Variants in GLI3 observed in about 807,000 individuals in gnomAD.
GLI3 encodes the protein GLI family zinc finger 3.
GLI3 carries 20 observed loss-of-function variants against 100.8 expected under a neutral mutation model. That is an observed-to-expected ratio of 0.20 (90% CI 0.14 to 0.29). The LOEUF (loss-of-function observed/expected upper bound fraction) is 0.29. GLI3 is among the 10% of genes least tolerant of loss of function. The pLI is 1.00. For missense variants in GLI3, 2,040 were observed against 2,128.5 expected, an observed-to-expected ratio of 0.96 and a Z score of 0.82; for synonymous variants, 938 against 860.5, an observed-to-expected ratio of 1.09 and a Z score of -1.58.
upstream of GLI3, among the ~76,000 whole-genome samples, chr7:42,240,744 G>T (rs1431998684): frequency 6.6e-6 from 1 of 152,154 alleles, no homozygotes; most frequent in East Asian, 1.9e-4. Flanking sequence ...GAGGTTCCTA[G>T]GGTTAGAACT....
At chr7:42,251,419 G>T (rs907864366) in intron 1 of GLI3, among the ~76,000 whole-genome samples, 2 of 152,232 alleles carry the variant, frequency 1.3e-5, no homozygotes, top group East Asian at 1.9e-4. Context: ...CTTAGGCGGC[G>T]ATGCTCTAAT....
chr7:42,165,248 T>C (rs1787218224), intron 2 of GLI3, among the ~76,000 whole-genome samples: 2 of 151,738 alleles, frequency 1.3e-5, no homozygotes, highest in Middle Eastern at 6.9e-3. Context: ...ATAGCAGATC[T>C]GTTACAAATC....
upstream of GLI3, among the ~76,000 whole-genome samples, chr7:42,238,762 G>A (rs534596049): frequency 6.6e-4 from 101 of 152,264 alleles, no homozygotes; most frequent in African/African-American, 2.1e-3. Flanking sequence ...AGTTCTCGGG[G>A]GGAAACACAG....
intron 5 of GLI3, among the ~76,000 whole-genome samples, chr7:42,047,635 G>GAC (rs1259075314): frequency 4.6e-5 from 7 of 152,188 alleles, no homozygotes; most frequent in African/African-American, 1.7e-4. Context: ...TTTATAAGTT[G>GAC]ACACCAGGAG....
chr7:42,171,796 T>C (rs998184556), intron 2 of GLI3, among the ~76,000 whole-genome samples: 1 of 152,172 alleles, frequency 6.6e-6, no homozygotes, highest in South Asian at 2.1e-4. Flanking sequence ...TTATAATCCA[T>C]AGTGGAGGTT....
intron 13 of GLI3, 66 bp from the exon 14 acceptor site, chr7:41,967,989 TGA>T: frequency 8.7e-7 from 1 of 1,153,360 alleles, no homozygotes; most frequent in Non-Finnish European, 1.3e-6. Context: ...GAGCCAATAA[TGA>T]GAGCTCATGC....
chr7:42,056,336 A>G (rs939615640), intron 4 of GLI3, among the ~76,000 whole-genome samples: 5 of 152,216 alleles, frequency 3.3e-5, no homozygotes, highest in African/African-American at 7.2e-5. Context: ...GCAAAAGGCT[A>G]CACTCAAAAG....
intron 1 of GLI3, among the ~76,000 whole-genome samples, chr7:42,227,041 A>G (rs1365032104): frequency 6.6e-6 from 1 of 152,218 alleles, no homozygotes; most frequent in Non-Finnish European, 1.5e-5. Flanking sequence ...AAAATAATGA[A>G]GTATAATTTA....
At chr7:42,039,889 T>C in intron 7 of GLI3, 149 bp downstream of exon 7, 1 of 684,242 alleles carries the variant, frequency 1.5e-6, no homozygotes, top group Non-Finnish European at 2.6e-6. Context: ...TTCATTGTGA[T>C]ATTTGACCTG....
intron 1 of GLI3, among the ~76,000 whole-genome samples, chr7:42,232,491 C>CG (rs1375881396): frequency 6.6e-6 from 1 of 151,724 alleles, no homozygotes; most frequent in Non-Finnish European, 1.5e-5. Context: ...TGGCTGGGCC[C>CG]GGGCAGACAA....
At chr7:41,970,068 C>G (rs1787326247) in intron 13 of GLI3, among the ~76,000 whole-genome samples, 1 of 151,792 alleles carries the variant, frequency 6.6e-6, no homozygotes, top group Admixed American at 6.6e-5. Flanking sequence ...CACAAAACCA[C>G]AAAAACTAAA....
intron 3 of GLI3, among the ~76,000 whole-genome samples, chr7:42,115,429 G>A (rs772123910): frequency 2.2e-4 from 34 of 152,056 alleles, no homozygotes; most frequent in Non-Finnish European, 4.0e-4. Context: ...TGTACCCACC[G>A]TGCCCAGCCC....
At position 42,263,553 on chromosome 7, in the gene GLI3, TCTC is replaced by T. The variant is rs539289298; in HGVS notation, c.-43+438_-43+440del. On this transcript the variant is annotated intron_variant, in intron 1 of 2. Coordinates refer to the GLI3 transcript ENST00000678978. The stretch of plus-strand genomic sequence containing the variant: ...CCTCCTCCTCACATGTTCAAGCAAT[TCTC>T]CTGCCCCAGCCTCTGGAGTAGCTAG... 3.9e-5 allele frequency among the ~76,000 whole-genome samples: 6 copies of T among 152,210 alleles called. No homozygotes were observed. In the South Asian group the frequency reaches 1.0e-3, roughly 26 times the overall value.
At chr7:42,179,509 G>C (rs1196785353) in intron 2 of GLI3, among the ~76,000 whole-genome samples, 1 of 152,186 alleles carries the variant, frequency 6.6e-6, no homozygotes, top group Non-Finnish European at 1.5e-5. Flanking sequence ...AAGGCTCACT[G>C]TGTTGACAAC....
intron 4 of GLI3, among the ~76,000 whole-genome samples, chr7:42,065,012 C>G (rs549978510): frequency 2.0e-5 from 3 of 152,046 alleles, no homozygotes; most frequent in South Asian, 4.1e-4. Flanking sequence ...ACCAATGAAA[C>G]CAGGCCCTGA....
At chr7:41,976,203 T>G (rs1787509590) in intron 12 of GLI3, among the ~76,000 whole-genome samples, 1 of 152,202 alleles carries the variant, frequency 6.6e-6, no homozygotes, top group South Asian at 2.1e-4. Context: ...GTGTAATAGA[T>G]TATATTCCAG....
At chr7:42,072,345 T>C (rs1784799452) in intron 4 of GLI3, among the ~76,000 whole-genome samples, 1 of 152,178 alleles carries the variant, frequency 6.6e-6, no homozygotes, top group Non-Finnish European at 1.5e-5. Context: ...GCTACATTTC[T>C]TTTTCCCAAG....
intron 9 of GLI3, among the ~76,000 whole-genome samples, chr7:42,024,695 G>C (rs777827598): frequency 2.0e-5 from 3 of 152,202 alleles, no homozygotes; most frequent in Non-Finnish European, 4.4e-5. Context: ...ACTAGAGGCG[G>C]AGTCCGGATT....
intron 1 of GLI3, among the ~76,000 whole-genome samples, chr7:42,229,738 A>G (rs1465391989): frequency 2.0e-5 from 3 of 152,170 alleles, no homozygotes; most frequent in African/African-American, 2.4e-5. Flanking sequence ...TTAATAACCC[A>G]TTTCTCAAAA....
Sources: gnomAD v4.1 joint callset for allele counts (sites outside exome capture counted in the v4.1 genomes callset) on GRCh38, gnomAD v4.1.1 for gene constraint, MANE v1.5 for transcripts, NCBI Gene and HGNC (gene_info 2026-07-23, HGNC 2026-07-21) for gene names.